The following PRKD1 variants were observed in gnomAD, a reference collection of about 807,000 sequenced individuals.
PRKD1 encodes the protein protein kinase D1, also known as serine/threonine-protein kinase D1.
Under a neutral mutation model 95.9 loss-of-function variants are expected in PRKD1, and 63 were observed. The observed-to-expected ratio is 0.66, with a 90% confidence interval of 0.54 to 0.81. PRKD1 has a LOEUF of 0.81. Ranked by LOEUF, PRKD1 falls within the 30% of genes least tolerant of loss-of-function variation. The pLI is 0.00. For missense variants in PRKD1, 1,048 were observed against 1,165.3 expected, an observed-to-expected ratio of 0.90 and a Z score of 1.47; for synonymous variants, 425 against 423.1, an observed-to-expected ratio of 1.00 and a Z score of -0.05.
chr14:29,829,902 C>G (rs1224695350), intron 1 of PRKD1, among the ~76,000 whole-genome samples: 1 of 152,170 alleles, frequency 6.6e-6, no homozygotes, highest in African/African-American at 2.4e-5. Flanking sequence ...CTTATTTCCT[C>G]TACGCTGACA....
intron 2 of PRKD1, among the ~76,000 whole-genome samples, chr14:29,685,979 T>C (rs909004668): frequency 3.2e-4 from 49 of 152,180 alleles, no homozygotes; most frequent in Non-Finnish European, 1.0e-4. Flanking sequence ...TTTTAAAGTC[T>C]TCAAAAACGC....
chr14:29,818,724 CAGAA>C (rs1890793169), intron 1 of PRKD1, among the ~76,000 whole-genome samples: 1 of 151,688 alleles, frequency 6.6e-6, no homozygotes, highest in Admixed American at 6.6e-5. Flanking sequence ...CTTGCAGTAT[CAGAA>C]AGAGTCTAGT....
Position 29,902,281 on chromosome 14 carries a change from T to C in PRKD1, c.264+24968A>G, listed in dbSNP as rs45529632. 2.7e-3 allele frequency among the ~76,000 whole-genome samples: 411 copies of C among 152,092 alleles called. 1 individual carries two copies. The highest frequency in any genetic ancestry group is 9.3e-3 in the African/African-American group (386 of 41,494). On this transcript the variant is annotated intron_variant, in intron 1 of 17. Coordinates refer to ENST00000331968, the MANE Select transcript of PRKD1 (RefSeq NM_002742.3). ...TCTCCAAAAAAAAAAAAAGGAATTA[T>C]GATTTATCAATTTTCATGGTCAAAA...
intron 1 of PRKD1, among the ~76,000 whole-genome samples, chr14:29,756,320 T>C (rs1434446680): frequency 1.3e-5 from 2 of 152,208 alleles, no homozygotes; most frequent in African/African-American, 2.4e-5. Flanking sequence ...TGAAGTGTTC[T>C]TTCTCTGTAC....
At chr14:29,760,947 T>C (rs1024968448) in intron 1 of PRKD1, among the ~76,000 whole-genome samples, 2 of 152,134 alleles carry the variant, frequency 1.3e-5, no homozygotes, top group African/African-American at 4.8e-5. Flanking sequence ...AATCTTTATT[T>C]TTTTCTTTTT....
chr14:29,887,981 T>C lies in PRKD1; in HGVS notation c.264+39268A>G, dbSNP rs560415312. ...TATGTCATAATAGACATAAGTCTCA[T>C]TCTGTTAGACTTGAAGCAATGTATA... On this transcript the variant is annotated intron_variant, in intron 1 of 17. Coordinates refer to ENST00000331968, the MANE Select transcript of PRKD1 (RefSeq NM_002742.3). Among the ~76,000 whole-genome samples, 28 of 152,320 alleles carry C rather than the reference T, an allele frequency of 1.8e-4. No individual in the cohort carries two copies. In the South Asian group the frequency reaches 4.8e-3, roughly 26 times the overall value.
intron 1 of PRKD1, among the ~76,000 whole-genome samples, chr14:29,802,782 G>A (rs1325484745): frequency 6.6e-6 from 1 of 152,160 alleles, no homozygotes; most frequent in African/African-American, 2.4e-5. Context: ...TCAATTCTGA[G>A]CCAATTGAGC....
intron 15 of PRKD1, among the ~76,000 whole-genome samples, chr14:29,598,112 C>T (rs1003115777): frequency 7.3e-5 from 11 of 151,484 alleles, no homozygotes; most frequent in Admixed American, 2.6e-4. Context: ...CCCATCTCTA[C>T]AAAAAATTAA....
intron 1 of PRKD1, among the ~76,000 whole-genome samples, chr14:29,835,815 C>T (rs1005257180): frequency 3.9e-5 from 6 of 151,914 alleles, no homozygotes; most frequent in Non-Finnish European, 8.8e-5. Flanking sequence ...ATGATCCTCC[C>T]GCCTCAGCCT....
At chr14:29,920,788 C>T (rs535127029) in intron 1 of PRKD1, among the ~76,000 whole-genome samples, 1 of 152,312 alleles carries the variant, frequency 6.6e-6, no homozygotes, top group African/African-American at 2.4e-5. Flanking sequence ...TTTTGCCAAA[C>T]TGATAACTCA....
intron 1 of PRKD1, among the ~76,000 whole-genome samples, chr14:29,807,846 C>T (rs763764217): frequency 6.6e-6 from 1 of 151,764 alleles, no homozygotes; most frequent in African/African-American, 2.4e-5. Flanking sequence ...CTTAGCCTCC[C>T]GAGTAGCTGG....
At chr14:29,891,355 G>A (rs1408121112) in intron 1 of PRKD1, among the ~76,000 whole-genome samples, 1 of 152,094 alleles carries the variant, frequency 6.6e-6, no homozygotes, top group Non-Finnish European at 1.5e-5. Flanking sequence ...GTCCAATTCA[G>A]TAGCAAAAAC....
chr14:29,846,733 C>A (rs895638046), intron 1 of PRKD1, among the ~76,000 whole-genome samples: 1 of 152,120 alleles, frequency 6.6e-6, no homozygotes, highest in Non-Finnish European at 1.5e-5. Context: ...GAGGCAGAGA[C>A]CAGTTAGCTG....
chr14:29,593,946 G>A, intron 16 of PRKD1: 1 of 209,272 alleles, frequency 4.8e-6, no homozygotes, highest in Non-Finnish European at 9.9e-6. Context: ...TAAGAAATAA[G>A]CACCCTTTTG....
intron 1 of PRKD1, among the ~76,000 whole-genome samples, chr14:29,777,094 TGA>T (rs949924868): frequency 2.6e-5 from 4 of 152,146 alleles, no homozygotes; most frequent in Non-Finnish European, 5.9e-5. Flanking sequence ...AAGCAAATGC[TGA>T]GAGATTTTGT....
At chr14:29,758,466 T>G (rs997877263) in intron 1 of PRKD1, among the ~76,000 whole-genome samples, 1 of 152,220 alleles carries the variant, frequency 6.6e-6, no homozygotes, top group African/African-American at 2.4e-5. Context: ...CGTAAAGGCC[T>G]GTTCTCTCCC....
At chr14:29,682,019 C>A (rs1251503889) in intron 2 of PRKD1, among the ~76,000 whole-genome samples, 1 of 152,134 alleles carries the variant, frequency 6.6e-6, no homozygotes, top group Non-Finnish European at 1.5e-5. Flanking sequence ...CAAAAATGTA[C>A]ACTGCATCCA....
intron 2 of PRKD1, among the ~76,000 whole-genome samples, chr14:29,677,858 C>T (rs1883324072): frequency 6.6e-6 from 1 of 152,304 alleles, no homozygotes; most frequent in South Asian, 2.1e-4. Flanking sequence ...TGCCACCGTG[C>T]CCAGCCCAGT....
At chr14:29,921,943 T>G (rs1455999734) in intron 1 of PRKD1, among the ~76,000 whole-genome samples, 2 of 152,230 alleles carry the variant, frequency 1.3e-5, no homozygotes, top group African/African-American at 4.8e-5. Context: ...GCTTAATGGT[T>G]TTAACTTCAC....
Sources: gnomAD v4.1 joint callset for allele counts (sites outside exome capture counted in the v4.1 genomes callset) on GRCh38, gnomAD v4.1.1 for gene constraint, MANE v1.5 for transcripts, NCBI Gene and HGNC (gene_info 2026-07-23, HGNC 2026-07-21) for gene names.